The following PRMT1 variants were observed in gnomAD, a reference collection of about 807,000 sequenced individuals.
The protein encoded by PRMT1 is protein arginine methyltransferase 1.
PRMT1 carries 5 observed loss-of-function variants against 47.4 expected under a neutral mutation model. The observed-to-expected ratio is 0.11, with a 90% CI of 0.06 to 0.22. PRMT1 has a LOEUF of 0.22. PRMT1 is among the 10% of genes least tolerant of loss of function. The probability of loss-of-function intolerance (pLI) is 1.00; values close to 1 mark genes in which losing one functional copy is unlikely to be tolerated. For synonymous variants in PRMT1, 227 were observed against 204.6 expected (o/e 1.11, Z -0.94); for missense variants, 249 against 518.4 (o/e 0.48, Z 5.05).
In PRMT1 at chr19:49,688,081, T is replaced by C. The variant is rs527369608; in HGVS notation, c.1033-81T>C. ...GGGCAGGAAGCTGGAGCCCGGCTCA[T>C]CGTCGCATAGCCTGCCTGCACCCGC... On this transcript the variant is annotated intron_variant, in intron 10 of 10. Transcript: ENST00000454376. This position sits in a 1 kb window ranked among gnomAD's most constrained non-coding sequence, Gnocchi z 5.3. 51 of 1,236,920 alleles carry C rather than the reference T, an allele frequency of 4.1e-5. No individual in the cohort carries two copies. The East Asian group carries it at 8.8e-4, about 21-fold the overall frequency. 76.6% of individuals were successfully genotyped at this position (1,236,920 alleles called of 1,614,324 possible). A position where few individuals can be genotyped will look rare whatever the true frequency, so the allele number is the denominator to read the frequency against.
At chr19:49,687,989 T>C in intron 10 of PRMT1, 173 bp from the exon 11 acceptor site, 1 of 665,972 alleles carries the variant, frequency 1.5e-6, no homozygotes, top group Non-Finnish European at 2.7e-6. Context: ...CATGTGGTGC[T>C]GTCCCTTGGC....
Position 49,685,384 on chromosome 19 carries a change from G to T in PRMT1, c.759+347G>T. 1.6e-6 allele frequency: 2 copies of T among 1,235,018 alleles called. No homozygotes were observed. The highest frequency in any genetic ancestry group is 2.1e-6 in the Non-Finnish European group (2 of 974,856). The allele number at this position is 1,235,018 out of a possible 1,614,324, so 76.5% of individuals were successfully genotyped here. A position where few individuals can be genotyped will look rare whatever the true frequency, so the allele number is the denominator to read the frequency against. On this transcript the variant is annotated intron_variant, in intron 8 of 10. Transcript: ENST00000454376. This position sits in a 1 kb window ranked among gnomAD's most constrained non-coding sequence, Gnocchi z 4.7. ...GCAGAAGAGCACGGGGCCAGGCTGG[G>T]CTCCGAGATGTGCCTGAGGTCCCAG...
chr19:49,681,206 C>T lies in PRMT1; in HGVS notation c.192+618C>T, dbSNP rs1406880997. On this transcript the variant is annotated intron_variant, in intron 3 of 10. Coordinates refer to ENST00000454376, the MANE Select transcript of PRMT1 (RefSeq NM_001536.6). This position sits in a 1 kb window ranked among gnomAD's most constrained non-coding sequence, Gnocchi z 4.4. Reference sequence around the variant, plus strand: ...CTGGGACCACAGGCGCGCGCCACCACGCCCAGCTGATGTTCTTATTTTTCT... The same window carrying T: ...CTGGGACCACAGGCGCGCGCCACCATGCCCAGCTGATGTTCTTATTTTTCT... Among the ~76,000 whole-genome samples the T allele has an allele frequency of 7.2e-5, 11 of 152,160 alleles. No individual in the cohort carries two copies. Among genetic ancestry groups the T allele is most frequent in the East Asian group, 1.9e-4 (1 of 5,172 alleles).
chr19:49,686,792 G>T (rs1329801365), intron 10 of PRMT1, 66 bp downstream of exon 10: 30 of 758,696 alleles, frequency 4.0e-5, no homozygotes, highest in Non-Finnish European at 5.3e-5. Flanking sequence ...TGGGGGGGGA[G>T]TGGTGGGGGA....
chr19:49,687,266 T>TG (rs1281094392), intron 10 of PRMT1, among the ~76,000 whole-genome samples: 2 of 150,074 alleles, frequency 1.3e-5, no homozygotes, highest in East Asian at 2.0e-4. Flanking sequence ...CCGGGGGAGC[T>TG]GGGGGGGCTT....
At position 49,685,050 on chromosome 19, in the gene PRMT1, G is replaced by T; in HGVS notation, c.759+13G>T. 1 of 1,614,076 alleles carries T rather than the reference G, an allele frequency of 6.2e-7. No individual in the cohort carries two copies. The highest frequency in any genetic ancestry group is 8.5e-7 in the Non-Finnish European group (1 of 1,179,982). On this transcript the variant is annotated intron_variant, in intron 8 of 10. Transcript: ENST00000454376. The surrounding 1 kb of genome is among the most constrained non-coding windows in gnomAD (Gnocchi z 4.7). ...CTGCCTCATAAAGGTGAGGGGGTGGGCATGGCCAGGTGCCCCCTGGGTTGA... is the reference window on the plus strand; with the variant it reads ...CTGCCTCATAAAGGTGAGGGGGTGGTCATGGCCAGGTGCCCCCTGGGTTGA...
Position 49,684,158 on chromosome 19 carries a change from A to G in PRMT1, c.555+89A>G, listed in dbSNP as rs1387385455. ...ACGCTCAATTTTTCCCACAGACGGG[A>G]CTTACTGTGGGGGCTTAGCTGCAAG... On this transcript the variant is annotated intron_variant, in intron 6 of 10. Transcript: ENST00000454376. The surrounding 1 kb of genome is among the most constrained non-coding windows in gnomAD (Gnocchi z 6.2). 1 of 1,538,980 alleles carries G rather than the reference A, an allele frequency of 6.5e-7. No individual in the cohort carries two copies. Among genetic ancestry groups the G allele is most frequent in the African/African-American group, 1.4e-5 (1 of 73,644 alleles).
In PRMT1 at chr19:49,684,187, T is replaced by A; in HGVS notation, c.555+118T>A. The A allele has an allele frequency of 7.1e-7, 1 of 1,406,344 alleles. No individual in the cohort carries two copies. The highest frequency in any genetic ancestry group is 9.8e-7 in the Non-Finnish European group (1 of 1,021,162). 87.1% of individuals were successfully genotyped at this position (1,406,344 alleles called of 1,614,324 possible). A position where few individuals can be genotyped will look rare whatever the true frequency, so the allele number is the denominator to read the frequency against. ...ACTGTGGGGGCTTAGCTGCAAGGTG[T>A]TAGAAAGCCACAGCCCAAGCCAGGT... On this transcript the variant is annotated intron_variant, in intron 6 of 10. Transcript: ENST00000454376. The surrounding 1 kb of genome is among the most constrained non-coding windows in gnomAD (Gnocchi z 6.2).
Position 49,688,275 on chromosome 19 carries a change from A to G in PRMT1, c.*30A>G. On this transcript the variant is annotated 3_prime_UTR_variant, in exon 11 of 11. Transcript: ENST00000454376. The surrounding 1 kb of genome is among the most constrained non-coding windows in gnomAD (Gnocchi z 5.3). Reference sequence around the variant, plus strand: ...CGGCTCTCCCGCCCTGCACGAGCCCAGGGGCTGAGCGTTCCTAGGCGGTTT... The same window carrying G: ...CGGCTCTCCCGCCCTGCACGAGCCCGGGGGCTGAGCGTTCCTAGGCGGTTT... 1 of 1,608,220 alleles carries G rather than the reference A, an allele frequency of 6.2e-7. No homozygotes were observed. Among genetic ancestry groups the G allele is most frequent in the Non-Finnish European group, 8.5e-7 (1 of 1,175,808 alleles).
rs2082201442 is a variant in PRMT1, at chr19:49,686,184, T to C, written c.851T>C (p.Leu284Pro). ...QVKRNDYVHA[L>P]VAYFNIEFTR... ...AAGCGGAATGACTACGTGCACGCCC[T>C]GGTGGCCTACTTCAACATCGAGTTC... Residue 284 changes from leucine (L) to proline (P), a missense_variant, in exon 9 of 11, where the codon CTG becomes CCG. This residue lies in a region of PRMT1 where 190 missense variants were observed against 456.7 expected (regional missense o/e 0.42). Transcript: ENST00000454376. 6.2e-7 allele frequency: 1 copy of C among 1,613,674 alleles called. No individual in the cohort carries two copies. Among genetic ancestry groups the C allele is most frequent in the African/African-American group, 1.3e-5 (1 of 74,898 alleles).
chr19:49,682,779 A>ATTTTTT (rs58218406), intron 5 of PRMT1, among the ~76,000 whole-genome samples: 28 of 70,980 alleles, frequency 3.9e-4, no homozygotes, highest in Non-Finnish European at 5.8e-4. Context: ...CATCCCCAGC[A>ATTTTTT]TTTTTTTTTT....
intron 1 of PRMT1, chr19:49,679,474 C>T: frequency 2.0e-6 from 1 of 494,874 alleles, no homozygotes; most frequent in East Asian, 5.8e-5. Flanking sequence ...CTATTCATGG[C>T]ACCCTAGGAT....
upstream of PRMT1, chr19:49,677,127 C>T (rs2082045716): frequency 5.1e-6 from 3 of 584,824 alleles, no homozygotes; most frequent in Non-Finnish European, 7.8e-6. Flanking sequence ...AATTACTAGA[C>T]GGTATTCTCA....
upstream of PRMT1, chr19:49,677,072 C>T (rs1302227728): frequency 1.2e-5 from 5 of 421,514 alleles, no homozygotes; most frequent in East Asian, 3.6e-5. Context: ...TTCTGGACGC[C>T]AGAGTTGGCA....
Position 49,686,730 on chromosome 19 carries a change from AGGCTCC to A in PRMT1, c.1032+7_1032+12del. The A allele has an allele frequency of 6.4e-7, 1 of 1,558,440 alleles. No individual in the cohort carries two copies. The stretch of plus-strand genomic sequence containing the variant: ...GCGGCCCAACGCCAAGAACAACGTG[AGGCTCC>A]GGGCAGCTGGGTGGGAGGGTGGCAG... On this transcript the variant is annotated splice_donor_5th_base_variant and intron_variant, in intron 10 of 10. Transcript: ENST00000454376.
intron 5 of PRMT1, 64 bp from the exon 6 acceptor site, chr19:49,683,863 G>A (rs944806624): frequency 3.1e-5 from 49 of 1,565,510 alleles, no homozygotes; most frequent in South Asian, 2.1e-4. Context: ...TCTAGCCCCC[G>A]GGGGAGGTGA....
chr19:49,677,629 G>T, intron 1 of PRMT1: 1 of 277,590 alleles, frequency 3.6e-6, no homozygotes, highest in Non-Finnish European at 6.7e-6. Flanking sequence ...CGAGTCCAGT[G>T]GCCCGGCGGG....
upstream of PRMT1, chr19:49,677,244 G>GT: frequency 7.1e-7 from 1 of 1,416,656 alleles, no homozygotes; most frequent in Non-Finnish European, 9.3e-7. Flanking sequence ...GAAAGGGGGG[G>GT]TCTTGGCGGC....
At position 49,681,575 on chromosome 19, in the gene PRMT1, G is replaced by A. The variant is rs1473928787; in HGVS notation, c.193-335G>A. 6.6e-6 allele frequency among the ~76,000 whole-genome samples: 1 copy of A among 151,816 alleles called. No homozygotes were observed. Among genetic ancestry groups the A allele is most frequent in the African/African-American group, 2.4e-5 (1 of 41,368 alleles). On this transcript the variant is annotated intron_variant, in intron 3 of 10. Coordinates refer to ENST00000454376, the MANE Select transcript of PRMT1 (RefSeq NM_001536.6). The surrounding 1 kb of genome is among the most constrained non-coding windows in gnomAD (Gnocchi z 4.4). Reference sequence around the variant, plus strand: ...CAATATGGTGAAACCCCATCTGTATGAAAAATACAAAAATTAGCCGGGCAT... The same window carrying A: ...CAATATGGTGAAACCCCATCTGTATAAAAAATACAAAAATTAGCCGGGCAT...
Sources: allele counts gnomAD v4.1 joint callset (sites outside exome capture counted in the v4.1 genomes callset), GRCh38; gene constraint gnomAD v4.1.1; regional missense constraint gnomAD v4.1.1; non-coding constraint Gnocchi (gnomAD v3.1); transcripts MANE v1.5; gene names NCBI Gene and HGNC (gene_info 2026-07-23, HGNC 2026-07-21).